AP3B1: variants seen among roughly 807,000 people sequenced by gnomAD.
AP3B1 encodes the protein AP-3 complex subunit beta-1.
AP3B1 carries 61 observed loss-of-function variants against 132.5 expected under a neutral mutation model. The observed-to-expected ratio is 0.46, with a 90% confidence interval of 0.37 to 0.57. The LOEUF (loss-of-function observed/expected upper bound fraction) is 0.57. Among genes scored for constraint, AP3B1 ranks in the 20% least tolerant of loss-of-function variants. AP3B1 has a pLI of 0.00. For synonymous variants in AP3B1, 388 were observed against 438.3 expected (o/e 0.89, Z 1.43); for missense variants, 1,120 against 1,289.4 (o/e 0.87, Z 2.01).
rs542525316 is a variant in AP3B1, at chr5:78,021,363, T to C, written c.2895-574A>G. On this transcript the variant is annotated intron_variant, in intron 24 of 26. Transcript: ENST00000255194. Reference sequence around the variant, plus strand: ...TATTCATTGACATTATTGACCAACATGGTAAAAGTTATTATTTCAAATGAC... The same window carrying C: ...TATTCATTGACATTATTGACCAACACGGTAAAAGTTATTATTTCAAATGAC... Among the ~76,000 whole-genome samples, 20 of 152,218 alleles carry C rather than the reference T, an allele frequency of 1.3e-4. No homozygotes were observed. The East Asian group carries it at 3.3e-3, about 25-fold the overall frequency.
chr5:78,234,066 T>C (rs2112506568), intron 3 of AP3B1, among the ~76,000 whole-genome samples: 1 of 152,260 alleles, frequency 6.6e-6, no homozygotes, highest in Admixed American at 6.5e-5. Context: ...AATGACATCA[T>C]TGCAGTATTA....
chr5:78,243,872 G>A (rs931079483), intron 2 of AP3B1, among the ~76,000 whole-genome samples: 4 of 152,198 alleles, frequency 2.6e-5, no homozygotes, highest in African/African-American at 7.2e-5. Flanking sequence ...TATGAGTGAA[G>A]CAGGAGACCA....
chr5:78,081,687 T>C (rs142401638), intron 22 of AP3B1, among the ~76,000 whole-genome samples: 4 of 152,306 alleles, frequency 2.6e-5, no homozygotes, highest in African/African-American at 9.6e-5. Context: ...AAGTTTGTTA[T>C]TAAGGAATAG....
intron 24 of AP3B1, among the ~76,000 whole-genome samples, chr5:78,033,017 GA>G (rs1413297790): frequency 1.3e-5 from 2 of 151,816 alleles, no homozygotes; most frequent in African/African-American, 2.4e-5. Flanking sequence ...TAAAATTGGG[GA>G]AAAAAATCCA....
chr5:78,013,059 T>A (rs1250859247), intron 26 of AP3B1, among the ~76,000 whole-genome samples: 2 of 152,170 alleles, frequency 1.3e-5, no homozygotes, highest in African/African-American at 4.8e-5. Context: ...TTTCTCTTTT[T>A]TTGAGACAGG....
At chr5:78,203,215 C>T (rs1745367776) in intron 7 of AP3B1, among the ~76,000 whole-genome samples, 1 of 152,120 alleles carries the variant, frequency 6.6e-6, no homozygotes, top group Non-Finnish European at 1.5e-5. Context: ...TCCATTCTCA[C>T]ACTACTATTA....
At chr5:78,153,292 C>A (rs555685868) in intron 14 of AP3B1, among the ~76,000 whole-genome samples, 47 of 152,208 alleles carry the variant, frequency 3.1e-4, no homozygotes, top group African/African-American at 1.0e-3. Context: ...AAATAATGAC[C>A]TTGTCTCTTC....
intron 14 of AP3B1, among the ~76,000 whole-genome samples, chr5:78,142,153 G>A (rs1015143892): frequency 3.3e-5 from 5 of 152,096 alleles, no homozygotes; most frequent in Non-Finnish European, 7.3e-5. Flanking sequence ...TTGCATTTTG[G>A]CACTATATTT....
At chr5:78,250,130 T>C (rs1308171722) in intron 2 of AP3B1, among the ~76,000 whole-genome samples, 1 of 152,176 alleles carries the variant, frequency 6.6e-6, no homozygotes, top group African/African-American at 2.4e-5. Context: ...AAAGTGGACC[T>C]AATTTTACCT....
At chr5:78,066,127 A>G (rs1356032660) in intron 22 of AP3B1, among the ~76,000 whole-genome samples, 2 of 152,234 alleles carry the variant, frequency 1.3e-5, no homozygotes, top group Non-Finnish European at 2.9e-5. Context: ...CAACAACAGC[A>G]TCAACAAAAA....
At chr5:78,209,502 CCCCGT>C (rs1292023500) in intron 7 of AP3B1, among the ~76,000 whole-genome samples, 1 of 152,096 alleles carries the variant, frequency 6.6e-6, no homozygotes, top group Non-Finnish European at 1.5e-5. Context: ...GACCTAGAAG[CCCCGT>C]CTTCAAGTTG....
intron 15 of AP3B1, among the ~76,000 whole-genome samples, chr5:78,133,055 T>A (rs1196472694): frequency 6.6e-6 from 1 of 152,234 alleles, no homozygotes; most frequent in African/African-American, 2.4e-5. Flanking sequence ...ATTTCACCTA[T>A]AACCAACCTC....
intron 1 of AP3B1, among the ~76,000 whole-genome samples, chr5:78,287,058 G>A (rs1011627563): frequency 6.6e-6 from 1 of 152,098 alleles, no homozygotes; most frequent in Admixed American, 6.5e-5. Context: ...GTCATTCTAT[G>A]AGCATTTATA....
intron 3 of AP3B1, among the ~76,000 whole-genome samples, chr5:78,235,175 ATTC>A: frequency 6.6e-6 from 1 of 152,288 alleles, no homozygotes; most frequent in Admixed American, 6.5e-5. Context: ...TTTTTAAAAT[ATTC>A]TTTTAAAATA....
At chr5:78,287,227 T>A (rs984295286) in intron 1 of AP3B1, among the ~76,000 whole-genome samples, 4 of 152,186 alleles carry the variant, frequency 2.6e-5, no homozygotes, top group African/African-American at 9.6e-5. Context: ...GGCTTGAAAT[T>A]TAATTTTCAG....
intron 6 of AP3B1, among the ~76,000 whole-genome samples, chr5:78,221,574 A>C (rs1746178378): frequency 6.6e-6 from 1 of 152,020 alleles, no homozygotes; most frequent in Non-Finnish European, 1.5e-5. Flanking sequence ...TTCGAATAAA[A>C]TTACTGAATG....
At chr5:78,276,137 C>T (rs1288176792) in intron 1 of AP3B1, among the ~76,000 whole-genome samples, 1 of 151,908 alleles carries the variant, frequency 6.6e-6, no homozygotes, top group African/African-American at 2.4e-5. Context: ...ATGATCACAG[C>T]TCACTGCAGC....
chr5:78,013,093 G>A (rs1197619266), intron 26 of AP3B1, among the ~76,000 whole-genome samples: 1 of 152,024 alleles, frequency 6.6e-6, no homozygotes, highest in African/African-American at 2.4e-5. Context: ...ACCCAGGCTG[G>A]AGTGCAATGG....
chr5:78,011,321 C>T (rs903668107), intron 26 of AP3B1, among the ~76,000 whole-genome samples: 5 of 152,220 alleles, frequency 3.3e-5, no homozygotes, highest in Admixed American at 6.5e-5. Context: ...GCTGGGATTA[C>T]GGGCATGAGC....
Sources: gnomAD v4.1 joint callset for allele counts (sites outside exome capture counted in the v4.1 genomes callset) on GRCh38, gnomAD v4.1.1 for gene constraint, MANE v1.5 for transcripts, NCBI Gene and HGNC (gene_info 2026-07-23, HGNC 2026-07-21) for gene names.